EVC2: variants seen among roughly 807,000 people sequenced by gnomAD.
EVC2 encodes the protein EvC ciliary complex subunit 2, also known as limbin.
EVC2 carries 148 observed loss-of-function variants against 149.3 expected under a neutral mutation model. The ratio of observed to expected loss-of-function variants is 0.99; its 90% confidence interval spans 0.87 to 1.14. EVC2 has a LOEUF of 1.14. EVC2 is among the 50% of genes most tolerant of loss of function. The pLI, the probability that EVC2 is intolerant of heterozygous loss-of-function variation, is 0.00. For missense variants in EVC2, 1,854 were observed against 1,627.3 expected, an observed-to-expected ratio of 1.14 and a Z score of -2.40; for synonymous variants, 776 against 649.9, an observed-to-expected ratio of 1.19 and a Z score of -2.95.
chr4:5,579,277 T>C (rs1427040360), intron 17 of EVC2, among the ~76,000 whole-genome samples: 1 of 152,120 alleles, frequency 6.6e-6, no homozygotes, highest in Non-Finnish European at 1.5e-5. Flanking sequence ...CTTGGTGAAA[T>C]GATTTAACCT....
At chr4:5,571,730 T>C (rs1722655402) in intron 19 of EVC2, among the ~76,000 whole-genome samples, 1 of 152,210 alleles carries the variant, frequency 6.6e-6, no homozygotes, top group African/African-American at 2.4e-5. Flanking sequence ...ATTTTATGTG[T>C]CCATTTGGCT....
chr4:5,624,450 T>C (rs1021886515), intron 13 of EVC2, among the ~76,000 whole-genome samples: 3 of 152,202 alleles, frequency 2.0e-5, no homozygotes. Context: ...TCTACAAATA[T>C]GTATTGAGCA....
chr4:5,571,962 A>G (rs1278313680), intron 19 of EVC2, among the ~76,000 whole-genome samples: 1 of 152,140 alleles, frequency 6.6e-6, no homozygotes, highest in Non-Finnish European at 1.5e-5. Flanking sequence ...TGGGATTCGA[A>G]CTGCAACTCC....
At chr4:5,624,155 G>GA (rs1239666127) in intron 13 of EVC2, among the ~76,000 whole-genome samples, 2 of 152,126 alleles carry the variant, frequency 1.3e-5, no homozygotes, top group African/African-American at 4.8e-5. Flanking sequence ...CTGCCTGGGA[G>GA]AAAAAGCAGT....
At position 5,696,063 on chromosome 4, in the gene EVC2, G is replaced by C. The variant is rs1022400001; in HGVS notation, c.283+1530C>G. Among the ~76,000 whole-genome samples the C allele has an allele frequency of 6.6e-6, 1 of 152,176 alleles. No homozygotes were observed. The highest frequency in any genetic ancestry group is 1.5e-5 in the Non-Finnish European group (1 of 68,034). ...ATGGAAACAAGTGGGTGCTCCACCA[G>C]GTGAGCGGCTGATTCAGAGCATCGG... On this transcript the variant is annotated intron_variant, in intron 2 of 21. Coordinates refer to ENST00000344408, the MANE Select transcript of EVC2 (RefSeq NM_147127.5). This position sits in a 1 kb window ranked among gnomAD's most constrained non-coding sequence, Gnocchi z 4.1.
At chr4:5,548,498 A>G (rs1457245616) in intron 21 of EVC2, among the ~76,000 whole-genome samples, 1 of 151,650 alleles carries the variant, frequency 6.6e-6, no homozygotes, top group Non-Finnish European at 1.5e-5. Flanking sequence ...TGAGGAAATT[A>G]AACACATATT....
chr4:5,682,653 G>A (rs1720429487), intron 6 of EVC2, among the ~76,000 whole-genome samples: 2 of 151,684 alleles, frequency 1.3e-5, no homozygotes, highest in Admixed American at 6.6e-5. Context: ...GAGGTCAGGA[G>A]CTTGAGACCA....
chr4:5,664,516 G>A (rs1719123062), intron 8 of EVC2, among the ~76,000 whole-genome samples: 1 of 152,170 alleles, frequency 6.6e-6, no homozygotes, highest in African/African-American at 2.4e-5. Context: ...ATTGATAACA[G>A]CTTTGGGAGA....
intron 16 of EVC2, among the ~76,000 whole-genome samples, chr4:5,609,803 G>C (rs1714681615): frequency 6.6e-6 from 1 of 152,226 alleles, no homozygotes; most frequent in Admixed American, 6.5e-5. Flanking sequence ...TGGTGTGACA[G>C]TGACACAGAA....
At position 5,706,369 on chromosome 4, in the gene EVC2, C is replaced by CATAGATACATAGATACATAG. The variant is rs1722159302; in HGVS notation, c.228+1916_228+1917insCTATGTATCTATGTATCTAT. Reference sequence around the variant, plus strand: ...AGATAGATAGACACATAGATAGATACATAGATAGATACATAGATAGATACA... The same window carrying CATAGATACATAGATACATAG: ...AGATAGATAGACACATAGATAGATACATAGATACATAGATACATAGATAGATAGATACATAGATAGATACA... On this transcript the variant is annotated intron_variant, in intron 1 of 21. Coordinates refer to ENST00000344408, the MANE Select transcript of EVC2 (RefSeq NM_147127.5). Among the ~76,000 whole-genome samples, 9 of 7,558 alleles carry CATAGATACATAGATACATAG rather than the reference C, an allele frequency of 1.2e-3. 1 individual carries two copies. Among genetic ancestry groups the CATAGATACATAGATACATAG allele is most frequent in the African/African-American group, 3.6e-3 (5 of 1,378 alleles). 5.0% of individuals were successfully genotyped at this position (7,558 alleles called of 152,430 possible). A position where few individuals can be genotyped will look rare whatever the true frequency, so the allele number is the denominator to read the frequency against.
rs188450181 is a variant in EVC2, at chr4:5,609,309, G to C, written c.2829+6113C>G. 2.5e-3 allele frequency among the ~76,000 whole-genome samples: 380 copies of C among 152,290 alleles called. 8 individuals are homozygous for C. The highest frequency in any genetic ancestry group is 5.4e-4 in the Non-Finnish European group (37 of 68,032). On this transcript the variant is annotated intron_variant, in intron 16 of 21. Coordinates refer to ENST00000344408, the MANE Select transcript of EVC2 (RefSeq NM_147127.5). ...CAACTCTTAGTTGTGGGCATTCACAGAACGAGAGCTGTCATTTTTCCCTCT... is the reference window on the plus strand; with the variant it reads ...CAACTCTTAGTTGTGGGCATTCACACAACGAGAGCTGTCATTTTTCCCTCT...
intron 9 of EVC2, among the ~76,000 whole-genome samples, chr4:5,646,510 C>A (rs76137094): frequency 0.021 from 3,163 of 152,172 alleles, 111 homozygotes; most frequent in African/African-American, 0.072. Context: ...TCTATCATTT[C>A]TTCTGCATTT....
chr4:5,689,468 A>G, intron 4 of EVC2, 125 bp from the exon 5 acceptor site: 1 of 959,576 alleles, frequency 1.0e-6, no homozygotes, highest in Non-Finnish European at 1.6e-6. Flanking sequence ...GGTCTCGCAG[A>G]GGGCCTGGGA....
chr4:5,700,165 A>G (rs184523787), intron 1 of EVC2, among the ~76,000 whole-genome samples: 275 of 152,312 alleles, frequency 1.8e-3, no homozygotes, highest in Admixed American at 3.8e-3. Flanking sequence ...AAAAATAAAG[A>G]AATAATAATA....
rs1219278710 is a variant in EVC2, at chr4:5,576,368, C to T, written c.3144G>A (p.Gln1048=). ...TCCCGGGCCCATCGGCCACCCACTG[C>T]TGCCAGCTCGCCAGGGCCTGCTGCT... ...AQQQQALASW[Q]QWVADGPGIL... is the part of the protein sequence containing the mutation. Residue 1048 remains glutamine, a synonymous_variant, in exon 18 of 22, where the codon CAG becomes CAA. Transcript: ENST00000344408. This position sits in a 1 kb window ranked among gnomAD's most constrained non-coding sequence, Gnocchi z 4.5. The T allele has an allele frequency of 1.2e-6, 2 of 1,614,200 alleles. No individual in the cohort carries two copies. Among genetic ancestry groups the T allele is most frequent in the Admixed American group, 1.7e-5 (1 of 60,028 alleles).
chr4:5,662,210 G>A lies in EVC2; in HGVS notation c.1145+897C>T, dbSNP rs1002280600. Among the ~76,000 whole-genome samples the A allele has an allele frequency of 7.9e-5, 12 of 151,792 alleles. No homozygotes were observed. The East Asian group carries it at 1.2e-3, about 15-fold the overall frequency. On this transcript the variant is annotated intron_variant, in intron 9 of 21. Transcript: ENST00000344408. Reference sequence around the variant, plus strand: ...CCTTTCTTTCCTCTGTCTGAAAATCGTTTCCACGCTTAATCAACTTGGAAA... The same window carrying A: ...CCTTTCTTTCCTCTGTCTGAAAATCATTTCCACGCTTAATCAACTTGGAAA...
rs969031638 is a variant in EVC2 at position 5,637,338 on chromosome 4, T to C, written c.1470+3176A>G. Among the ~76,000 whole-genome samples the C allele has an allele frequency of 6.6e-6, 1 of 152,184 alleles. No homozygotes were observed. Among genetic ancestry groups the C allele is most frequent in the Non-Finnish European group, 1.5e-5 (1 of 68,036 alleles). On this transcript the variant is annotated intron_variant, in intron 10 of 21. Coordinates refer to ENST00000344408, the MANE Select transcript of EVC2 (RefSeq NM_147127.5). The surrounding 1 kb of genome is among the most constrained non-coding windows in gnomAD (Gnocchi z 4.4). ...TGCGCAGTGGTTGGGGGCATGCTGC[T>C]GGACATGAGGCTGACTGTCCTCGGG...
chr4:5,683,046 A>C lies in EVC2; in HGVS notation c.817-1733T>G, dbSNP rs190208844. ...TGTTATGGCAGCAGTGCTAGGAAGC[A>C]GTGGGACTTCCCAAATCCACTGTGG... On this transcript the variant is annotated intron_variant, in intron 6 of 21. Transcript: ENST00000344408. Among the ~76,000 whole-genome samples the C allele has an allele frequency of 1.9e-3, 291 of 152,328 alleles. 4 individuals carry two copies. The highest frequency in any genetic ancestry group is 5.9e-4 in the Non-Finnish European group (40 of 68,028).
Position 5,706,369 on chromosome 4 carries a change from C to CATAGATACATAGATAGATAGATAG in EVC2, c.228+1916_228+1917insCTATCTATCTATCTATGTATCTAT, listed in dbSNP as rs1722159302. ...AGATAGATAGACACATAGATAGATA[C>CATAGATACATAGATAGATAGATAG]ATAGATAGATACATAGATAGATACA... On this transcript the variant is annotated intron_variant, in intron 1 of 21. Coordinates refer to ENST00000344408, the MANE Select transcript of EVC2 (RefSeq NM_147127.5). Among the ~76,000 whole-genome samples the CATAGATACATAGATAGATAGATAG allele has an allele frequency of 4.0e-4, 3 of 7,558 alleles. 1 individual carries two copies. The highest frequency in any genetic ancestry group is 2.2e-3 in the African/African-American group (3 of 1,378). 5.0% of individuals were successfully genotyped at this position (7,558 alleles called of 152,430 possible).
Sources: allele counts gnomAD v4.1 joint callset (sites outside exome capture counted in the v4.1 genomes callset), GRCh38; gene constraint gnomAD v4.1.1; non-coding constraint Gnocchi (gnomAD v3.1); transcripts MANE v1.5; gene names NCBI Gene and HGNC (gene_info 2026-07-23, HGNC 2026-07-21).